Variants in CAPN5 observed in about 807,000 individuals in gnomAD.
CAPN5 encodes calpain-5.
A neutral mutation model predicts 73.0 loss-of-function variants in CAPN5; 54 were observed. The ratio of observed to expected loss-of-function variants is 0.74; its 90% CI spans 0.59 to 0.93. The LOEUF (loss-of-function observed/expected upper bound fraction) is 0.93. Ranked by LOEUF, CAPN5 falls within the 40% of genes least tolerant of loss-of-function variation. The pLI, the probability that CAPN5 is intolerant of heterozygous loss-of-function variation, is 0.00. For missense variants in CAPN5, 785 were observed against 882.9 expected (o/e 0.89, Z 1.41); for synonymous variants, 335 against 356.9 (o/e 0.94, Z 0.69).
chr11:77,112,548 T>A (rs1555040903), intron 3 of CAPN5, 41 bp from the exon 4 acceptor site: 6 of 1,495,034 alleles, frequency 4.0e-6, no homozygotes, highest in Non-Finnish European at 5.6e-6. Context: ...GGACATCCCC[T>A]CACTGTGTTC....
At chr11:77,122,537 A>ACCCCCCC in intron 11 of CAPN5, 39 bp from the exon 12 acceptor site, 2 of 427,578 alleles carry the variant, frequency 4.7e-6, no homozygotes, top group South Asian at 2.5e-5. Flanking sequence ...CACAGCCCCC[A>ACCCCCCC]CCCCCACCCT....
At chr11:77,077,818 G>A (rs141122689) in intron 1 of CAPN5, among the ~76,000 whole-genome samples, 26 of 152,230 alleles carry the variant, frequency 1.7e-4, no homozygotes, top group African/African-American at 6.3e-4. Context: ...CCCAGCCAAT[G>A]TTGAGCATTT....
chr11:77,068,249 C>T (rs1250260911), intron 1 of CAPN5, among the ~76,000 whole-genome samples: 1 of 152,018 alleles, frequency 6.6e-6, no homozygotes, highest in Non-Finnish European at 1.5e-5. Context: ...GTATGGTGGG[C>T]CCAGCTGCTG....
chr11:77,106,198 GC>G (rs1198991347), intron 3 of CAPN5, among the ~76,000 whole-genome samples: 1 of 152,000 alleles, frequency 6.6e-6, no homozygotes, highest in African/African-American at 2.4e-5. Context: ...AGTAGCTGCT[GC>G]CCCCTGGTTT....
chr11:77,080,613 G>A (rs1454552021), intron 1 of CAPN5, among the ~76,000 whole-genome samples: 1 of 152,182 alleles, frequency 6.6e-6, no homozygotes, highest in Non-Finnish European at 1.5e-5. Flanking sequence ...CAGCCAGGCT[G>A]TCCCCGCTAC....
rs1185424043 is a variant in CAPN5, at chr11:77,087,960, G to GCC, written c.165+2912_165+2913dup. ...TTTCCAGTACAGTGGCCATTCGCTG[G>GCC]CCCCTCACAGGCCTGGCTGGGGAGA... On this transcript the variant is annotated intron_variant, in intron 2 of 12. Transcript: ENST00000648180. 12 of 1,536,030 alleles carry GCC rather than the reference G, an allele frequency of 7.8e-6. No homozygotes were observed. The East Asian group carries it at 2.0e-4, about 25-fold the overall frequency.
chr11:77,105,148 G>A lies in CAPN5; in HGVS notation c.298-7441G>A, dbSNP rs556328255. Among the ~76,000 whole-genome samples the A allele has an allele frequency of 5.3e-5, 8 of 151,656 alleles. No homozygotes were observed. In the East Asian group the frequency reaches 7.8e-4, roughly 15 times the overall value. ...CCTGTCTCCCCAGCCTATCTGTCCC[G>A]GGGCCTGAGTCCCTCTGCTGTGCCC... On this transcript the variant is annotated intron_variant, in intron 3 of 12. Coordinates refer to ENST00000648180, the MANE Select transcript of CAPN5 (RefSeq NM_004055.5).
intron 2 of CAPN5, among the ~76,000 whole-genome samples, chr11:77,087,343 G>C (rs528865098): frequency 1.3e-5 from 2 of 152,310 alleles, no homozygotes; most frequent in African/African-American, 4.8e-5. Context: ...TTGCCAGTGA[G>C]AGGGAACTTT....
At chr11:77,098,877 C>T (rs1469431545) in intron 3 of CAPN5, among the ~76,000 whole-genome samples, 209 of 137,414 alleles carry the variant, frequency 1.5e-3, no homozygotes, top group Non-Finnish European at 2.5e-3. Flanking sequence ...GGCGGAGACG[C>T]TCCTCACTTC....
chr11:77,076,037 C>T (rs12291669), intron 1 of CAPN5, among the ~76,000 whole-genome samples: 18,173 of 152,102 alleles, frequency 0.12, 1,857 homozygotes, highest in African/African-American at 0.28. Context: ...CACGCATTAC[C>T]TCACATACTT....
chr11:77,118,945 G>T (rs1950495172), intron 8 of CAPN5, 85 bp from the exon 9 acceptor site: 1 of 1,472,302 alleles, frequency 6.8e-7, no homozygotes, highest in Non-Finnish European at 9.3e-7. Context: ...CCAGGCTCTG[G>T]AGTCTGAGCT....
At chr11:77,067,991 G>A (rs954675159) in intron 1 of CAPN5, among the ~76,000 whole-genome samples, 3 of 152,076 alleles carry the variant, frequency 2.0e-5, no homozygotes, top group Non-Finnish European at 2.9e-5. Context: ...CCCTACACCT[G>A]TGGTTTAGAG....
chr11:77,071,541 T>C (rs1379089012), intron 1 of CAPN5: 1 of 423,448 alleles, frequency 2.4e-6, no homozygotes, highest in East Asian at 7.4e-5. Context: ...TACGGCCAAG[T>C]CCTGTCTGGT....
intron 2 of CAPN5, among the ~76,000 whole-genome samples, chr11:77,086,804 G>A (rs1950090606): frequency 6.6e-6 from 1 of 152,238 alleles, no homozygotes; most frequent in South Asian, 2.1e-4. Flanking sequence ...AAAAGAGGCT[G>A]GTGAGGCCTG....
At position 77,103,277 on chromosome 11, in the gene CAPN5, C is replaced by T. The variant is rs369102175; in HGVS notation, c.298-9312C>T. 2.9e-5 allele frequency: 46 copies of T among 1,612,992 alleles called. No homozygotes were observed. In the African/African-American group the frequency reaches 4.1e-4, roughly 15 times the overall value. Reference sequence around the variant, plus strand: ...TCATGTACTTCCTCGTCACCTTTGGCGAGGGTGTGGAGCCCGCCAACCTCA... The same window carrying T: ...TCATGTACTTCCTCGTCACCTTTGGTGAGGGTGTGGAGCCCGCCAACCTCA... On this transcript the variant is annotated intron_variant, in intron 3 of 12. Coordinates refer to ENST00000648180, the MANE Select transcript of CAPN5 (RefSeq NM_004055.5).
chr11:77,084,842 TC>T lies in CAPN5; in HGVS notation c.-35-8del. The T allele has an allele frequency of 6.2e-7, 1 of 1,613,020 alleles. No homozygotes were observed. The highest frequency in any genetic ancestry group is 2.2e-5 in the East Asian group (1 of 44,864). ...TCTGTGAGTGACCGTCTTCTTGCCT[TC>T]CTGTCCAGGTGTTCCCCCTCCCCTC... is the stretch of plus-strand genomic sequence containing the variant. On this transcript the variant is annotated splice_polypyrimidine_tract_variant and intron_variant, in intron 1 of 12. Transcript: ENST00000648180.
chr11:77,105,094 A>G (rs534338542), intron 3 of CAPN5, among the ~76,000 whole-genome samples: 4 of 151,764 alleles, frequency 2.6e-5, no homozygotes, highest in Admixed American at 6.6e-5. Context: ...CTCTTCCTGC[A>G]GCTCTGGGGA....
At chr11:77,092,924 A>G (rs1249872019) in intron 2 of CAPN5, among the ~76,000 whole-genome samples, 1 of 152,230 alleles carries the variant, frequency 6.6e-6, no homozygotes, top group Non-Finnish European at 1.5e-5. Flanking sequence ...CTGAGGTTGC[A>G]CTACTGCATT....
At chr11:77,106,563 A>G (rs1489713932) in intron 3 of CAPN5, among the ~76,000 whole-genome samples, 1 of 152,146 alleles carries the variant, frequency 6.6e-6, no homozygotes, top group Non-Finnish European at 1.5e-5. Flanking sequence ...GCAACCTCTG[A>G]GCTTGTTCCT....
Sources: allele counts gnomAD v4.1 joint callset (sites outside exome capture counted in the v4.1 genomes callset), GRCh38; gene constraint gnomAD v4.1.1; transcripts MANE v1.5; gene names NCBI Gene and HGNC (gene_info 2026-07-23, HGNC 2026-07-21).